Variants in RBFOX1 observed in about 807,000 individuals in gnomAD.
RBFOX1 encodes RNA binding protein fox-1 homolog 1.
A neutral mutation model predicts 57.7 loss-of-function variants in RBFOX1; 8 were observed. That is an observed-to-expected ratio of 0.14 (90% CI 0.08 to 0.25). The LOEUF is 0.25. Among genes scored for constraint, RBFOX1 ranks in the 10% least tolerant of loss-of-function variants. The probability of loss-of-function intolerance (pLI) is 1.00; values close to 1 mark genes in which losing one functional copy is unlikely to be tolerated. For synonymous variants in RBFOX1, 326 were observed against 222.4 expected (o/e 1.47, Z -4.15); for missense variants, 611 against 548.5 (o/e 1.11, Z -1.14).
intron 3 of RBFOX1, among the ~76,000 whole-genome samples, chr16:6,900,033 C>T (rs139525831): frequency 5.3e-5 from 8 of 152,126 alleles, no homozygotes; most frequent in Admixed American, 2.0e-4. Flanking sequence ...ATAGCATCAA[C>T]TTCTAGGGTT....
chr16:6,762,449 C>T (rs546120114), intron 3 of RBFOX1, among the ~76,000 whole-genome samples: 5 of 152,114 alleles, frequency 3.3e-5, no homozygotes, highest in African/African-American at 1.2e-4. Flanking sequence ...TATGGATTAC[C>T]TACCTGTAAG....
intron 1 of RBFOX1, among the ~76,000 whole-genome samples, chr16:6,216,884 G>A (rs12918273): frequency 0.45 from 68,035 of 149,532 alleles, 15,946 homozygotes; most frequent in South Asian, 0.59. Context: ...TTTTTTTTCC[G>A]CTCTCCCTTG....
At chr16:7,002,426 C>G (rs1183344939) in intron 3 of RBFOX1, among the ~76,000 whole-genome samples, 1 of 152,128 alleles carries the variant, frequency 6.6e-6, no homozygotes, top group East Asian at 1.9e-4. Flanking sequence ...ATCTTTTCAA[C>G]TATTTTCGCT....
chr16:7,424,923 A>G (rs539669265), intron 4 of RBFOX1, among the ~76,000 whole-genome samples: 1 of 152,316 alleles, frequency 6.6e-6, no homozygotes, highest in South Asian at 2.1e-4. Flanking sequence ...TACAAATTAT[A>G]TTCCAAAGGT....
chr16:6,890,459 C>T (rs983309790), intron 3 of RBFOX1, among the ~76,000 whole-genome samples: 3 of 152,170 alleles, frequency 2.0e-5, no homozygotes, highest in Admixed American at 6.5e-5. Flanking sequence ...GCAGAGATTT[C>T]GGTGAACTGA....
chr16:7,540,866 C>CTAAACTCCTCAT (rs1385096059), intron 5 of RBFOX1, among the ~76,000 whole-genome samples: 3 of 152,162 alleles, frequency 2.0e-5, no homozygotes, highest in Non-Finnish European at 4.4e-5. Flanking sequence ...TCCTTAAACC[C>CTAAACTCCTCAT]TAAACTCCTC....
intron 1 of RBFOX1, among the ~76,000 whole-genome samples, chr16:5,446,239 A>T (rs771683623): frequency 6.6e-6 from 1 of 152,206 alleles, no homozygotes; most frequent in East Asian, 1.9e-4. Flanking sequence ...AAAAGGGACA[A>T]TGATCTGGTT....
At chr16:6,700,160 C>G (rs1028460256) in intron 3 of RBFOX1, among the ~76,000 whole-genome samples, 3 of 151,098 alleles carry the variant, frequency 2.0e-5, no homozygotes, top group Non-Finnish European at 2.9e-5. Flanking sequence ...ATTTGATCAT[C>G]AGAGCCAGAG....
chr16:6,776,237 C>G (rs923717573), intron 3 of RBFOX1, among the ~76,000 whole-genome samples: 2 of 151,726 alleles, frequency 1.3e-5, no homozygotes, highest in Non-Finnish European at 2.9e-5. Flanking sequence ...CGGTGAAACC[C>G]AGTCTCTACT....
At chr16:7,243,293 C>T (rs951173193) in intron 4 of RBFOX1, among the ~76,000 whole-genome samples, 2 of 152,148 alleles carry the variant, frequency 1.3e-5, no homozygotes, top group African/African-American at 4.8e-5. Context: ...GGGTGTGCCA[C>T]GTGACAGCTG....
chr16:6,024,049 C>A (rs148905534), intron 1 of RBFOX1, among the ~76,000 whole-genome samples: 1 of 152,260 alleles, frequency 6.6e-6, no homozygotes, highest in East Asian at 1.9e-4. Context: ...TATACACAGG[C>A]AACTGTCCTC....
intron 4 of RBFOX1, among the ~76,000 whole-genome samples, chr16:7,187,599 G>T (rs1007499099): frequency 1.2e-4 from 17 of 146,386 alleles, no homozygotes; most frequent in Admixed American, 2.1e-4. Flanking sequence ...TGAGGCAGGA[G>T]AATGGTGTGA....
At chr16:6,846,691 C>A (rs1189528059) in intron 3 of RBFOX1, among the ~76,000 whole-genome samples, 1 of 152,108 alleles carries the variant, frequency 6.6e-6, no homozygotes, top group Non-Finnish European at 1.5e-5. Flanking sequence ...TGAATGGTAA[C>A]GTTCGCCAGT....
In RBFOX1 at chr16:6,716,232, C is replaced by G. The variant is rs971251190; in HGVS notation, c.-16+61582C>G. 5.9e-5 allele frequency among the ~76,000 whole-genome samples: 9 copies of G among 152,166 alleles called. 1 individual carries two copies. Among genetic ancestry groups the G allele is most frequent in the Admixed American group, 4.6e-4 (7 of 15,280 alleles). On this transcript the variant is annotated intron_variant, in intron 3 of 15. Transcript: ENST00000550418. ...AAAAATGATGCAAGAAATTGCTTCT[C>G]TTAGTATGTATTTCCCCTTTGCCTG...
At chr16:7,679,335 T>C (rs1452617603) in intron 14 of RBFOX1, among the ~76,000 whole-genome samples, 1 of 152,218 alleles carries the variant, frequency 6.6e-6, no homozygotes, top group Non-Finnish European at 1.5e-5. Flanking sequence ...AACCAATTAT[T>C]TTTATATCAT....
At chr16:6,013,815 G>A (rs904725973) in intron 4 of RBFOX1, among the ~76,000 whole-genome samples, 18 of 152,006 alleles carry the variant, frequency 1.2e-4, no homozygotes, top group Admixed American at 3.9e-4. Context: ...GAATAGTGCC[G>A]CATGGATGAA....
chr16:6,676,758 C>T (rs1023972416), intron 3 of RBFOX1, among the ~76,000 whole-genome samples: 6 of 147,542 alleles, frequency 4.1e-5, no homozygotes, highest in Non-Finnish European at 8.9e-5. Context: ...TCACTGCAAC[C>T]TTTGCCTCCC....
chr16:7,704,134 ACAT>A (rs2081641822), intron 14 of RBFOX1, among the ~76,000 whole-genome samples: 2 of 152,226 alleles, frequency 1.3e-5, no homozygotes, highest in African/African-American at 4.8e-5. Context: ...GAGAGCAAGG[ACAT>A]CATAAAAGCA....
intron 2 of RBFOX1, among the ~76,000 whole-genome samples, chr16:6,394,772 A>G (rs541913544): frequency 6.6e-6 from 1 of 152,174 alleles, no homozygotes; most frequent in South Asian, 2.1e-4. Flanking sequence ...GTCTACCAAA[A>G]CAGCTCAGCC....
Sources: allele counts gnomAD v4.1 joint callset (sites outside exome capture counted in the v4.1 genomes callset), GRCh38; gene constraint gnomAD v4.1.1; transcripts MANE v1.5; gene names NCBI Gene and HGNC (gene_info 2026-07-23, HGNC 2026-07-21).